The following RCN3 variants were observed in gnomAD, a reference collection of about 807,000 sequenced individuals.
RCN3 encodes the protein reticulocalbin-3.
In RCN3, 41 loss-of-function variants were observed where a neutral mutation model predicts 35.9. The ratio of observed to expected loss-of-function variants is 1.14; its 90% CI spans 0.89 to 1.48. The LOEUF is 1.48. RCN3 is among the 40% of genes most tolerant of loss of function. The probability of loss-of-function intolerance (pLI) is 0.00; values close to 1 mark genes in which losing one functional copy is unlikely to be tolerated. For synonymous variants in RCN3, 187 were observed against 193.4 expected (o/e 0.97, Z 0.27); for missense variants, 451 against 471.3 (o/e 0.96, Z 0.40).
At chr19:49,537,919 A>G (rs34400029) in intron 4 of RCN3, among the ~76,000 whole-genome samples, 15,382 of 151,452 alleles carry the variant, frequency 0.1, 1,008 homozygotes, top group African/African-American at 0.18. Flanking sequence ...GATTACAGGC[A>G]TGAGCCACCG....
At chr19:49,542,493 C>A in intron 5 of RCN3, 60 bp from the exon 6 acceptor site, 2 of 1,272,666 alleles carry the variant, frequency 1.6e-6, no homozygotes, top group Middle Eastern at 2.4e-4. Flanking sequence ...GGATCAGCCC[C>A]CAGCTCCACT....
chr19:49,542,862 TA>T, intron 6 of RCN3, 110 bp downstream of exon 6: 4 of 1,088,150 alleles, frequency 3.7e-6, no homozygotes, highest in Non-Finnish European at 3.9e-6. Context: ...TTAGGTGGGA[TA>T]AAAAAAGAGG....
intron 4 of RCN3, among the ~76,000 whole-genome samples, chr19:49,537,990 CT>C (rs771610301): frequency 1.8e-3 from 253 of 142,064 alleles, no homozygotes; most frequent in Non-Finnish European, 1.9e-3. Flanking sequence ...TTTCCTTCCT[CT>C]TTTTTTTTTT....
intron 4 of RCN3, 81 bp downstream of exon 4, chr19:49,537,286 C>T (rs45450996): frequency 0.078 from 103,054 of 1,313,316 alleles, 4,608 homozygotes; most frequent in Middle Eastern, 0.16. Flanking sequence ...TTCCCAGCAC[C>T]GACCTGGGGG....
intron 2 of RCN3, among the ~76,000 whole-genome samples, chr19:49,531,799 G>GTTA (rs1029877941): frequency 5.4e-4 from 82 of 152,120 alleles, no homozygotes; most frequent in African/African-American, 8.2e-4. Context: ...CTTTATTATT[G>GTTA]TTATTATTAT....
At chr19:49,534,640 A>G (rs1001584499) in intron 3 of RCN3, among the ~76,000 whole-genome samples, 2 of 152,110 alleles carry the variant, frequency 1.3e-5, no homozygotes, top group African/African-American at 2.4e-5. Context: ...TTTTTCAAAC[A>G]TGAAGTCACA....
chr19:49,535,030 G>A (rs767204270), intron 3 of RCN3, among the ~76,000 whole-genome samples: 11 of 151,650 alleles, frequency 7.3e-5, no homozygotes, highest in South Asian at 2.1e-4. Flanking sequence ...CAGCCTCCCC[G>A]TCCAGTCTGT....
chr19:49,528,335 G>A, intron 1 of RCN3, 132 bp from the exon 2 acceptor site: 1 of 841,578 alleles, frequency 1.2e-6, no homozygotes. Context: ...CGCCCTTTTT[G>A]AGCCCGAAAG....
intron 4 of RCN3, 83 bp from the exon 5 acceptor site, chr19:49,539,036 C>T: frequency 2.1e-6 from 2 of 967,762 alleles, no homozygotes; most frequent in Non-Finnish European, 3.1e-6. Context: ...CCAAGAGAAC[C>T]TCTCACTCTT....
At position 49,537,188 on chromosome 19, in the gene RCN3, C is replaced by G. The variant is rs774822949; in HGVS notation, c.601C>G (p.Arg201Gly). 1 of 1,544,156 alleles carries G rather than the reference C, an allele frequency of 6.5e-7. No individual in the cohort carries two copies. The highest frequency in any genetic ancestry group is 1.9e-5 in the Admixed American group (1 of 51,810). Residue 201 changes from arginine to glycine, a missense_variant, in exon 4 of 7, where the codon CGG (arginine) becomes GGG (glycine). Transcript: ENST00000270645. Reference sequence around the variant, plus strand: ...GCACCCCGAGGAGTTCCCTCACATGCGGGACATCGTGATTGCTGTGAGTGG... The same window carrying G: ...GCACCCCGAGGAGTTCCCTCACATGGGGGACATCGTGATTGCTGTGAGTGG... ...FLHPEEFPHM[R>G]DIVIAETLED...
intron 4 of RCN3, among the ~76,000 whole-genome samples, chr19:49,537,672 A>G (rs953185486): frequency 6.6e-6 from 1 of 151,868 alleles, no homozygotes; most frequent in Non-Finnish European, 1.5e-5. Context: ...ACACCTGGCT[A>G]ATTTTTAGTA....
chr19:49,534,698 C>T (rs2080126191), intron 3 of RCN3, among the ~76,000 whole-genome samples: 1 of 152,082 alleles, frequency 6.6e-6, no homozygotes, highest in Non-Finnish European at 1.5e-5. Context: ...GACTTGAAAC[C>T]TGGGCCCTCA....
In RCN3 at chr19:49,534,329, A is replaced by G. The variant is rs2080124306; in HGVS notation, c.379A>G (p.Thr127Ala). The change falls in exon 3 of 7, where the codon ACG becomes GCG. Residue 127 changes from threonine (T) to alanine (A), a missense_variant. Thr to Ala is a moderately conservative substitution (Grantham distance 58, BLOSUM62 0). Coordinates refer to ENST00000270645, the MANE Select transcript of RCN3 (RefSeq NM_020650.3). ...SVSAAWDTYD[T>A]DRDGRVGWEE... ...GAGCGCGGCCTGGGACACGTACGACACGGACCGCGACGGGCGTGTGGGTTG... is the reference window on the plus strand; with the variant it reads ...GAGCGCGGCCTGGGACACGTACGACGCGGACCGCGACGGGCGTGTGGGTTG... 3.3e-6 allele frequency: 5 copies of G among 1,519,272 alleles called. No individual in the cohort carries two copies. The African/African-American group carries it at 4.3e-5, about 13-fold the overall frequency. 94.1% of individuals were successfully genotyped at this position (1,519,272 alleles called of 1,614,324 possible).
At chr19:49,528,853 G>T in intron 2 of RCN3, 139 bp downstream of exon 2, 1 of 1,175,194 alleles carries the variant, frequency 8.5e-7, no homozygotes, top group Non-Finnish European at 1.1e-6. Context: ...TTCTATCCTT[G>T]GGAAAAAGAA....
At chr19:49,533,385 C>T (rs1048419683) in intron 2 of RCN3, among the ~76,000 whole-genome samples, 32 of 152,058 alleles carry the variant, frequency 2.1e-4, no homozygotes, top group African/African-American at 7.7e-4. Context: ...CAGGTAGTCT[C>T]TGTTAATTAG....
At chr19:49,530,581 C>T (rs111833847) in intron 2 of RCN3, among the ~76,000 whole-genome samples, 3,920 of 150,826 alleles carry the variant, frequency 0.026, 89 homozygotes, top group Non-Finnish European at 0.039. Context: ...ACCACAACCT[C>T]CGCCTCCTGG....
At chr19:49,542,368 T>C (rs561645655) in intron 5 of RCN3, among the ~76,000 whole-genome samples, 185 bp from the exon 6 acceptor site, 18 of 152,322 alleles carry the variant, frequency 1.2e-4, no homozygotes, top group African/African-American at 4.1e-4. Context: ...GTAACACAAA[T>C]GATTGCTTAT....
Position 49,536,964 on chromosome 19 carries a change from G to T in RCN3, c.446-69G>T, listed in dbSNP as rs77869147. The T allele has an allele frequency of 5.1e-3, 7,062 of 1,374,526 alleles. 317 individuals carry two copies. The African/African-American group carries it at 0.09, about 18-fold the overall frequency. 85.1% of individuals were successfully genotyped at this position (1,374,526 alleles called of 1,614,324 possible). ...TTTGTACCCCAGTAGGATTTACTTT[G>T]TCTTTGTTTTAACCTGCTTGGCGTT... is the stretch of plus-strand genomic sequence containing the variant. On this transcript the variant is annotated intron_variant, in intron 3 of 6. Coordinates refer to ENST00000270645, the MANE Select transcript of RCN3 (RefSeq NM_020650.3).
chr19:49,542,705 C>A lies in RCN3; in HGVS notation c.832C>A (p.Pro278Thr), dbSNP rs2080168988. 1 of 1,596,026 alleles carries A rather than the reference C, an allele frequency of 6.3e-7. No individual in the cohort carries two copies. ...HWVLPPAQDQ[P>T]LVEANHLLHE... ...GGTGCTGCCCCCTGCCCAGGACCAG[C>A]CCCTGGTGGAAGCCAACCACCTGCT... is the stretch of plus-strand genomic sequence containing the variant. Residue 278 changes from proline (P) to threonine (T), a missense_variant, in exon 6 of 7, where the codon CCC (proline) becomes ACC (threonine). Pro to Thr is a conservative substitution (Grantham distance 38, BLOSUM62 -1). Coordinates refer to ENST00000270645, the MANE Select transcript of RCN3 (RefSeq NM_020650.3).
Sources: gnomAD v4.1 joint callset for allele counts (sites outside exome capture counted in the v4.1 genomes callset) on GRCh38, gnomAD v4.1.1 for gene constraint, MANE v1.5 for transcripts, NCBI Gene and HGNC (gene_info 2026-07-23, HGNC 2026-07-21) for gene names.